MACROD2: variants seen among roughly 807,000 people sequenced by gnomAD.
MACROD2 encodes the protein ADP-ribose glycohydrolase MACROD2.
A neutral mutation model predicts 70.4 loss-of-function variants in MACROD2; 36 were observed. The observed-to-expected ratio is 0.51, with a 90% CI of 0.39 to 0.68. The LOEUF (loss-of-function observed/expected upper bound fraction) is 0.68, where lower values mean the gene tolerates loss of function less well. MACROD2 is among the 30% of genes least tolerant of loss of function. The pLI, the probability that MACROD2 is intolerant of heterozygous loss-of-function variation, is 0.00. For missense variants in MACROD2, 496 were observed against 538.4 expected (o/e 0.92, Z 0.78); for synonymous variants, 172 against 178.8 (o/e 0.96, Z 0.30).
At position 15,958,433 on chromosome 20, in the gene MACROD2, G is replaced by A. The variant is rs114327736; in HGVS notation, c.908-9120G>A. The stretch of plus-strand genomic sequence containing the variant: ...GGATTCCCTCATGACTACTTTATCC[G>A]TGCTATACAAACACTGACAATGTGG... On this transcript the variant is annotated intron_variant, in intron 12 of 17. Coordinates refer to ENST00000684519, the MANE Select transcript of MACROD2 (RefSeq NM_001351661.2). Among the ~76,000 whole-genome samples, 732 of 152,164 alleles carry A rather than the reference G, an allele frequency of 4.8e-3. 6 individuals carry two copies. Among genetic ancestry groups the A allele is most frequent in the African/African-American group, 0.017 (692 of 41,518 alleles).
At chr20:15,529,438 A>G (rs1055509900) in intron 8 of MACROD2, among the ~76,000 whole-genome samples, 2 of 152,138 alleles carry the variant, frequency 1.3e-5, no homozygotes, top group African/African-American at 4.8e-5. Flanking sequence ...TGTGGCTGAC[A>G]TTAGATATTC....
intron 8 of MACROD2, among the ~76,000 whole-genome samples, chr20:15,677,004 T>C (rs189628364): frequency 3.9e-5 from 6 of 152,346 alleles, no homozygotes; most frequent in Admixed American, 6.5e-5. Context: ...ATTTGCATAA[T>C]ATAACATATA....
In MACROD2 at chr20:14,891,582, A is replaced by G. The variant is rs146581280; in HGVS notation, c.418+206623A>G. On this transcript the variant is annotated intron_variant, in intron 5 of 17. Transcript: ENST00000684519. Reference sequence around the variant, plus strand: ...TATGCAATAAATATGTGTTGGTTTCATTTTCTATGCTCATTCTGTCTGATC... The same window carrying G: ...TATGCAATAAATATGTGTTGGTTTCGTTTTCTATGCTCATTCTGTCTGATC... Among the ~76,000 whole-genome samples the G allele has an allele frequency of 2.6e-4, 39 of 152,242 alleles. No homozygotes were observed. In the East Asian group the frequency reaches 7.2e-3, roughly 28 times the overall value.
chr20:15,812,150 C>G (rs2063827778), intron 8 of MACROD2, among the ~76,000 whole-genome samples: 1 of 152,196 alleles, frequency 6.6e-6, no homozygotes, highest in South Asian at 2.1e-4. Context: ...AGATTGTAAA[C>G]TGAACAAAAT....
intron 8 of MACROD2, among the ~76,000 whole-genome samples, chr20:15,524,021 A>G (rs1051477986): frequency 1.3e-5 from 2 of 151,898 alleles, no homozygotes; most frequent in African/African-American, 2.4e-5. Flanking sequence ...TGCTGTATGT[A>G]CCTCGCCCGG....
intron 6 of MACROD2, among the ~76,000 whole-genome samples, chr20:15,423,248 CT>C (rs919485878): frequency 6.6e-6 from 1 of 152,164 alleles, no homozygotes; most frequent in African/African-American, 2.4e-5. Flanking sequence ...ATCTACTCCA[CT>C]TGTCTGTCAG....
intron 5 of MACROD2, among the ~76,000 whole-genome samples, chr20:15,103,705 TA>T (rs1259267721): frequency 3.9e-5 from 6 of 152,244 alleles, no homozygotes; most frequent in African/African-American, 1.4e-4. Flanking sequence ...TACATAGAGA[TA>T]AATCCATGAA....
intron 5 of MACROD2, among the ~76,000 whole-genome samples, chr20:15,050,177 G>T (rs959441315): frequency 6.6e-6 from 1 of 152,074 alleles, no homozygotes; most frequent in African/African-American, 2.4e-5. Context: ...AGCTTTTGAT[G>T]ATTCTCTCTT....
At chr20:16,009,230 A>G (rs2066829510) in intron 15 of MACROD2, among the ~76,000 whole-genome samples, 1 of 152,246 alleles carries the variant, frequency 6.6e-6, no homozygotes, top group Non-Finnish European at 1.5e-5. Flanking sequence ...CTAGTCAGGT[A>G]CCAAAGAGTA....
At chr20:15,654,104 C>T (rs16996278) in intron 8 of MACROD2, among the ~76,000 whole-genome samples, 2,687 of 152,236 alleles carry the variant, frequency 0.018, 86 homozygotes, top group African/African-American at 0.062. Flanking sequence ...CAGGCTGCGC[C>T]GGCCCTAACT....
chr20:15,486,956 C>G (rs73897622), intron 7 of MACROD2, among the ~76,000 whole-genome samples: 3,371 of 152,326 alleles, frequency 0.022, 124 homozygotes, highest in African/African-American at 0.075. Flanking sequence ...CTGATCAAGA[C>G]TGGGCTTGGC....
At position 14,289,596 on chromosome 20, in the gene MACROD2, C is replaced by T. The variant is rs760541852; in HGVS notation, c.271+203868C>T. Among the ~76,000 whole-genome samples, 39 of 152,344 alleles carry T rather than the reference C, an allele frequency of 2.6e-4. 1 individual carries two copies. In the Middle Eastern group the frequency reaches 0.031, roughly 120 times the overall value. ...CTGTGTCACCCAGGCTGCTGGAGTA[C>T]AGTGGCATGATCGCAGCTTACTGCA... On this transcript the variant is annotated intron_variant, in intron 3 of 17. Coordinates refer to ENST00000684519, the MANE Select transcript of MACROD2 (RefSeq NM_001351661.2).
At chr20:15,543,634 C>T (rs1344838880) in intron 8 of MACROD2, among the ~76,000 whole-genome samples, 1 of 152,002 alleles carries the variant, frequency 6.6e-6, no homozygotes, top group African/African-American at 2.4e-5. Flanking sequence ...TCCATTGTTA[C>T]AATTTCAAGC....
At chr20:15,286,962 GA>G (rs890722541) in intron 6 of MACROD2, among the ~76,000 whole-genome samples, 6 of 150,448 alleles carry the variant, frequency 4.0e-5, no homozygotes, top group African/African-American at 1.5e-4. Context: ...TTTTTATTTA[GA>G]AAAAAAAAGA....
At chr20:14,052,669 C>A (rs950133084) in intron 2 of MACROD2, among the ~76,000 whole-genome samples, 2 of 152,020 alleles carry the variant, frequency 1.3e-5, no homozygotes, top group African/African-American at 4.8e-5. Flanking sequence ...ACAGCTCTAG[C>A]CTCACTGCAG....
At chr20:15,885,008 G>T (rs544067192) in intron 9 of MACROD2, among the ~76,000 whole-genome samples, 16 of 152,142 alleles carry the variant, frequency 1.1e-4, no homozygotes, top group Admixed American at 3.3e-4. Context: ...ACTTCCAAAG[G>T]CCTCACCTTC....
intron 3 of MACROD2, among the ~76,000 whole-genome samples, chr20:14,231,380 T>C (rs188916968): frequency 1.9e-4 from 29 of 152,064 alleles, no homozygotes; most frequent in African/African-American, 5.8e-4. Flanking sequence ...TGAGTGAGAA[T>C]GTGCGGTGTT....
intron 3 of MACROD2, among the ~76,000 whole-genome samples, chr20:14,466,163 A>T (rs907460501): frequency 1.3e-5 from 2 of 152,100 alleles, no homozygotes; most frequent in Non-Finnish European, 2.9e-5. Context: ...CGTCACTTTC[A>T]GGTACACAAA....
At chr20:15,632,143 G>A (rs187499067) in intron 8 of MACROD2, among the ~76,000 whole-genome samples, 19 of 150,982 alleles carry the variant, frequency 1.3e-4, no homozygotes, top group Admixed American at 9.9e-4. Context: ...GAGCTTGAGC[G>A]AGTTTGAGCG....
Sources: allele counts gnomAD v4.1 joint callset (sites outside exome capture counted in the v4.1 genomes callset), GRCh38; gene constraint gnomAD v4.1.1; transcripts MANE v1.5; gene names NCBI Gene and HGNC (gene_info 2026-07-23, HGNC 2026-07-21).